ULK3: variants seen among roughly 807,000 people sequenced by gnomAD.
The protein encoded by ULK3 is serine/threonine-protein kinase ULK3.
A neutral mutation model predicts 69.4 loss-of-function variants in ULK3; 54 were observed. The observed-to-expected ratio is 0.78, with a 90% CI of 0.63 to 0.98. ULK3 has a LOEUF of 0.98. Ranked by LOEUF, ULK3 falls within the 50% of genes least tolerant of loss-of-function variation. The probability of loss-of-function intolerance (pLI) is 0.00; values close to 1 mark genes in which losing one functional copy is unlikely to be tolerated. For synonymous variants in ULK3, 240 were observed against 254.5 expected (o/e 0.94, Z 0.54); for missense variants, 558 against 627.7 (o/e 0.89, Z 1.19).
Position 74,838,337 on chromosome 15 carries a change from GCCT to G in ULK3, c.1172_1174del (p.Glu391del). The G allele has an allele frequency of 6.4e-7, 1 of 1,568,108 alleles. No individual in the cohort carries two copies. Among genetic ancestry groups the G allele is most frequent in the Non-Finnish European group, 8.6e-7 (1 of 1,156,794 alleles). ...CAGGGCATCCTGCTCCCCGCCGGCG[GCCT>G]CCTCCTGCAGCCACAAGGACACCAG... On this transcript the variant is annotated inframe_deletion, in exon 12 of 16. Transcript: ENST00000440863.
rs371226370 is a variant in ULK3, at chr15:74,838,484, G to A, written c.1123C>T (p.Arg375Cys). 5 of 1,578,110 alleles carry A rather than the reference G, an allele frequency of 3.2e-6. No individual in the cohort carries two copies. The South Asian group carries it at 3.5e-5, about 11-fold the overall frequency. The change falls in exon 11 of 16, where the codon CGC becomes TGC. Residue 375 changes from arginine to cysteine, a missense_variant. By Grantham distance (180) the Arg-to-Cys change is radical. Transcript: ENST00000440863. ...LLREMARDKP[R>C]LLAALEVASA... is the part of the protein sequence containing the mutation. ...GCCACTTCCAGGGCAGCTAGGAGGC[G>A]TGGCTTGTCCCGGGCCATCTCTGAG...
chr15:74,836,378 G>T lies in ULK3; in HGVS notation c.*850C>A, dbSNP rs1248532030. ...AGATGGGGAGACCCAGGCCCAGAAA[G>T]GGGAAAGAGCTTGCCCAGGGCTCCA... On this transcript the variant is annotated 3_prime_UTR_variant, in exon 16 of 16. Coordinates refer to ENST00000440863, the MANE Select transcript of ULK3 (RefSeq NM_001099436.4). This position sits in a 1 kb window ranked among gnomAD's most constrained non-coding sequence, Gnocchi z 4.0. 2.0e-5 allele frequency: 3 copies of T among 152,272 alleles called. No individual in the cohort carries two copies. The highest frequency in any genetic ancestry group is 7.2e-5 in the African/African-American group (3 of 41,456). 9.4% of individuals were successfully genotyped at this position (152,272 alleles called of 1,614,324 possible).
At position 74,842,653 on chromosome 15, in the gene ULK3, AGCTGATCCATTTCTTT is replaced by A. The variant is rs1164317808; in HGVS notation, c.103-249_103-234del. On this transcript the variant is annotated intron_variant, in intron 1 of 15. Transcript: ENST00000440863. The surrounding 1 kb of genome is among the most constrained non-coding windows in gnomAD (Gnocchi z 4.9). ...GCCTGGTCTTCTCCAACCCTCGGCT[AGCTGATCCATTTCTTT>A]GCATTCTGGAGTGCTCCCGGCAGAG... 4 of 1,535,992 alleles carry A rather than the reference AGCTGATCCATTTCTTT, an allele frequency of 2.6e-6. No homozygotes were observed. Among genetic ancestry groups the A allele is most frequent in the Middle Eastern group, 1.7e-4 (1 of 6,012 alleles).
At position 74,839,045 on chromosome 15, in the gene ULK3, C is replaced by T. The variant is rs1284811832; in HGVS notation, c.964G>A (p.Val322Met). 1 of 1,604,910 alleles carries T rather than the reference C, an allele frequency of 6.2e-7. No homozygotes were observed. The highest frequency in any genetic ancestry group is 1.1e-5 in the South Asian group (1 of 88,706). Residue 322 changes from valine to methionine, a missense_variant, in exon 9 of 16, where the codon GTG becomes ATG. Transcript: ENST00000440863. ...ATTGCCTCCTTCCGCTGGGCATCCA[C>T]TTCATCTGCAGAAAGTGAGGTCATA... Reference protein sequence around the residue: ...DFFVPALHYEVDAQRKEAIKA... With the variant: ...DFFVPALHYEMDAQRKEAIKA...
In ULK3 at chr15:74,842,836, A is replaced by G. The variant is rs2064311441; in HGVS notation, c.102+168T>C. On this transcript the variant is annotated intron_variant, in intron 1 of 15. Transcript: ENST00000440863. This position sits in a 1 kb window ranked among gnomAD's most constrained non-coding sequence, Gnocchi z 4.9. ...GCAGGTGGGTGCAGGTGCGCTCTTT[A>G]AGACCTAAGCGTGGCAGTCGGCTCC... 7.4e-7 allele frequency: 1 copy of G among 1,355,252 alleles called. No individual in the cohort carries two copies. The highest frequency in any genetic ancestry group is 2.5e-5 in the East Asian group (1 of 39,614). 84.0% of individuals were successfully genotyped at this position (1,355,252 alleles called of 1,614,324 possible).
In ULK3 at chr15:74,838,509, G is replaced by A; in HGVS notation, c.1103-5C>T. The A allele has an allele frequency of 1.3e-6, 2 of 1,572,028 alleles. No individual in the cohort carries two copies. Among genetic ancestry groups the A allele is most frequent in the Non-Finnish European group, 8.6e-7 (1 of 1,158,678 alleles). On this transcript the variant is annotated splice_polypyrimidine_tract_variant and splice_region_variant and intron_variant, in intron 10 of 15. Coordinates refer to ENST00000440863, the MANE Select transcript of ULK3 (RefSeq NM_001099436.4). ...GTGGCTTGTCCCGGGCCATCTCTGA[G>A]ATGAGGGGAAAGGCTCAGGGTGAGG...
rs1567236355 is a variant in ULK3, at chr15:74,839,580, C to T, written c.830G>A (p.Ser277Asn). The T allele has an allele frequency of 1.9e-6, 3 of 1,563,070 alleles. No homozygotes were observed. The highest frequency in any genetic ancestry group is 2.6e-6 in the Non-Finnish European group (3 of 1,155,058). The change falls in exon 7 of 16, where the codon AGT (serine) becomes AAT (asparagine). Residue 277 changes from serine to asparagine, a missense_variant. By Grantham distance (46) the Ser-to-Asn change is conservative (BLOSUM62 1). Transcript: ENST00000440863. Reference sequence around the variant, plus strand: ...CACTGCTCGCCCCAGACTCTCCCCACTGGGCATGTGCTCCAGGTCCACCCA... The same window carrying T: ...CACTGCTCGCCCCAGACTCTCCCCATTGGGCATGTGCTCCAGGTCCACCCA... ...HPWVDLEHMP[S>N]GESLGRATAL...
At chr15:74,837,718 A>G (rs1392610727) in intron 14 of ULK3, 33 bp downstream of exon 14, 1 of 1,578,576 alleles carries the variant, frequency 6.3e-7, no homozygotes, top group Admixed American at 1.8e-5. Flanking sequence ...GAACCCACAG[A>G]CCCTAGCCCC....
chr15:74,838,072 G>A lies in ULK3; in HGVS notation c.1287+80C>T, dbSNP rs1040530196. The A allele has an allele frequency of 2.6e-6, 4 of 1,529,262 alleles. No individual in the cohort carries two copies. In the East Asian group the frequency reaches 9.9e-5, roughly 38 times the overall value. 94.7% of individuals were successfully genotyped at this position (1,529,262 alleles called of 1,614,324 possible). On this transcript the variant is annotated intron_variant, in intron 13 of 15. Coordinates refer to ENST00000440863, the MANE Select transcript of ULK3 (RefSeq NM_001099436.4). ...CCCTGACAGTGGGACATTCCAGAGG[G>A]AACCCAAAGAGGTCCCCACAGGTAA...
In ULK3 at chr15:74,836,349, G is replaced by A. The variant is rs943926082; in HGVS notation, c.*879C>T. On this transcript the variant is annotated 3_prime_UTR_variant, in exon 16 of 16. Coordinates refer to ENST00000440863, the MANE Select transcript of ULK3 (RefSeq NM_001099436.4). The surrounding 1 kb of genome is among the most constrained non-coding windows in gnomAD (Gnocchi z 4.0). The stretch of plus-strand genomic sequence containing the variant: ...GGGCTGTGAAGGTATCAGCCCCATT[G>A]AAGAGATGGGGAGACCCAGGCCCAG... 40 of 152,370 alleles carry A rather than the reference G, an allele frequency of 2.6e-4. No individual in the cohort carries two copies. The highest frequency in any genetic ancestry group is 8.2e-4 in the African/African-American group (34 of 41,572). 9.4% of individuals were successfully genotyped at this position (152,370 alleles called of 1,614,324 possible).
In ULK3 at chr15:74,837,029, A is replaced by G. The variant is rs1169368554; in HGVS notation, c.*199T>C. The G allele has an allele frequency of 1.4e-5, 9 of 652,786 alleles. No homozygotes were observed. Among genetic ancestry groups the G allele is most frequent in the Admixed American group, 3.4e-5 (1 of 29,660 alleles). 40.4% of individuals were successfully genotyped at this position (652,786 alleles called of 1,614,324 possible). ...AGTCCTGCCCTCCCCTCCAGTATAC[A>G]GCACAGCCATCAAACCATCTGTGGG... On this transcript the variant is annotated 3_prime_UTR_variant, in exon 16 of 16. Transcript: ENST00000440863.
intron 6 of ULK3, 94 bp from the exon 7 acceptor site, chr15:74,839,807 T>C (rs1340260696): frequency 4.9e-6 from 7 of 1,426,930 alleles, no homozygotes; most frequent in East Asian, 2.5e-5. Flanking sequence ...GAGGTACGCG[T>C]TGGACAGGTG....
chr15:74,842,468 C>T lies in ULK3; in HGVS notation c.103-48G>A, dbSNP rs563744135. 26 of 1,612,716 alleles carry T rather than the reference C, an allele frequency of 1.6e-5. No homozygotes were observed. The highest frequency in any genetic ancestry group is 2.7e-5 in the African/African-American group (2 of 75,040). On this transcript the variant is annotated intron_variant, in intron 1 of 15. Coordinates refer to ENST00000440863, the MANE Select transcript of ULK3 (RefSeq NM_001099436.4). The surrounding 1 kb of genome is among the most constrained non-coding windows in gnomAD (Gnocchi z 4.9). Reference sequence around the variant, plus strand: ...ACTCTGCCTTGAGGGGGCCAGGACCCTTGTCTGACTGGAAAGGCTCTATCT... The same window carrying T: ...ACTCTGCCTTGAGGGGGCCAGGACCTTTGTCTGACTGGAAAGGCTCTATCT...
rs1210328793 is a variant in ULK3, at chr15:74,842,469, T to C, written c.103-49A>G. Reference sequence around the variant, plus strand: ...CTCTGCCTTGAGGGGGCCAGGACCCTTGTCTGACTGGAAAGGCTCTATCTG... The same window carrying C: ...CTCTGCCTTGAGGGGGCCAGGACCCCTGTCTGACTGGAAAGGCTCTATCTG... On this transcript the variant is annotated intron_variant, in intron 1 of 15. Coordinates refer to ENST00000440863, the MANE Select transcript of ULK3 (RefSeq NM_001099436.4). This position sits in a 1 kb window ranked among gnomAD's most constrained non-coding sequence, Gnocchi z 4.9. 3.7e-6 allele frequency: 6 copies of C among 1,612,690 alleles called. No homozygotes were observed. The highest frequency in any genetic ancestry group is 4.2e-6 in the Non-Finnish European group (5 of 1,179,852).
rs948179955 is a variant in ULK3, at chr15:74,842,615, C to T, written c.103-195G>A. 6.5e-7 allele frequency: 1 copy of T among 1,542,970 alleles called. No individual in the cohort carries two copies. The highest frequency in any genetic ancestry group is 2.4e-5 in the East Asian group (1 of 41,334). ...TGCTGATTCTGGAATCCTGGCTTCC[C>T]GACACAGCCTCAGCCTGGTCTTCTC... On this transcript the variant is annotated intron_variant, in intron 1 of 15. Coordinates refer to ENST00000440863, the MANE Select transcript of ULK3 (RefSeq NM_001099436.4). This position sits in a 1 kb window ranked among gnomAD's most constrained non-coding sequence, Gnocchi z 4.9.
rs372291115 is a variant in ULK3 at position 74,839,695 on chromosome 15, G to A, written c.715C>T (p.Leu239Phe). 5.2e-6 allele frequency: 8 copies of A among 1,549,556 alleles called. No homozygotes were observed. Among genetic ancestry groups the A allele is most frequent in the African/African-American group, 1.4e-5 (1 of 73,474 alleles). The stretch of plus-strand genomic sequence containing the variant: ...AGTAGGTCCCGGCAGTCTCGGGAGA[G>A]CAGGGGCCGCAAGGGGAGCTGCAGG... Reference protein sequence around the residue: ...RVIELPLRPLLSRDCRDLLQR... With the variant: ...RVIELPLRPLFSRDCRDLLQR... Residue 239 changes from leucine to phenylalanine, a missense_variant, in exon 7 of 16, where the codon CTC becomes TTC. Physicochemically the swap from Leu to Phe is conservative, Grantham distance 22. Coordinates refer to ENST00000440863, the MANE Select transcript of ULK3 (RefSeq NM_001099436.4).
chr15:74,837,706 C>A, intron 14 of ULK3, 45 bp downstream of exon 14: 1 of 1,565,870 alleles, frequency 6.4e-7, no homozygotes, highest in South Asian at 1.2e-5. Context: ...CAGAGAGCAA[C>A]AGAACCCACA....
chr15:74,838,794 T>C, intron 9 of ULK3, 49 bp from the exon 10 acceptor site: 2 of 1,526,512 alleles, frequency 1.3e-6, no homozygotes, highest in Non-Finnish European at 1.8e-6. Flanking sequence ...CAGCTACCCT[T>C]GCCAGAACCC....
chr15:74,838,084 G>T (rs2064089501), intron 13 of ULK3, 68 bp downstream of exon 13: 2 of 1,538,602 alleles, frequency 1.3e-6, no homozygotes, highest in Non-Finnish European at 1.8e-6. Context: ...ACCCAAAGAG[G>T]TCCCCACAGG....
Sources: allele counts gnomAD v4.1 joint callset, GRCh38; gene constraint gnomAD v4.1.1; non-coding constraint Gnocchi (gnomAD v3.1); transcripts MANE v1.5; gene names NCBI Gene and HGNC (gene_info 2026-07-23, HGNC 2026-07-21).